TBC1D32: variants seen among roughly 807,000 people sequenced by gnomAD.
The protein encoded by TBC1D32 is protein broad-minded.
In TBC1D32, 151 loss-of-function variants were observed where a neutral mutation model predicts 170.3. The observed-to-expected ratio is 0.89, with a 90% CI of 0.78 to 1.01. The LOEUF is 1.01. Ranked by LOEUF, TBC1D32 falls within the 50% of genes least tolerant of loss-of-function variation. The probability of loss-of-function intolerance (pLI) is 0.00; values close to 1 mark genes in which losing one functional copy is unlikely to be tolerated. For missense variants in TBC1D32, 1,464 were observed against 1,457.1 expected (o/e 1.00, Z -0.08); for synonymous variants, 498 against 488.0 (o/e 1.02, Z -0.27).
intron 11 of TBC1D32, among the ~76,000 whole-genome samples, chr6:121,294,149 AG>A (rs1805269777): frequency 6.6e-6 from 1 of 152,168 alleles, no homozygotes; most frequent in South Asian, 2.1e-4. Flanking sequence ...GAATAAGCAA[AG>A]AAGGATCACG....
intron 26 of TBC1D32, among the ~76,000 whole-genome samples, chr6:121,125,121 T>C (rs1357586532): frequency 6.6e-6 from 1 of 151,396 alleles, no homozygotes; most frequent in Non-Finnish European, 1.5e-5. Flanking sequence ...TGCAGAATTA[T>C]GTATTTATTT....
chr6:121,318,710 A>G (rs1230385361), intron 2 of TBC1D32, among the ~76,000 whole-genome samples: 1 of 151,398 alleles, frequency 6.6e-6, no homozygotes, highest in African/African-American at 2.4e-5. Flanking sequence ...GCAAGAAATA[A>G]ACATATGTTT....
At chr6:121,143,929 A>G (rs1482300462) in intron 24 of TBC1D32, among the ~76,000 whole-genome samples, 1 of 152,102 alleles carries the variant, frequency 6.6e-6, no homozygotes, top group African/African-American at 2.4e-5. Context: ...ATGGTCAGTG[A>G]CACAGATATC....
chr6:121,331,020 G>T (rs930704768), intron 1 of TBC1D32, among the ~76,000 whole-genome samples: 2 of 152,160 alleles, frequency 1.3e-5, no homozygotes, highest in Non-Finnish European at 2.9e-5. Flanking sequence ...TATGTTAGCT[G>T]TCCCATAAAA....
chr6:121,253,601 C>T (rs538930222), intron 17 of TBC1D32, among the ~76,000 whole-genome samples: 65 of 152,170 alleles, frequency 4.3e-4, no homozygotes, highest in African/African-American at 1.5e-3. Flanking sequence ...CGCCTGTAGT[C>T]CCAGCTCCTC....
intron 21 of TBC1D32, among the ~76,000 whole-genome samples, chr6:121,207,899 C>T (rs1441165902): frequency 6.6e-6 from 1 of 152,070 alleles, no homozygotes; most frequent in Non-Finnish European, 1.5e-5. Context: ...AAGAAATAGG[C>T]AAGTGAAGGG....
chr6:121,264,753 G>T (rs1800232232), intron 15 of TBC1D32, among the ~76,000 whole-genome samples: 1 of 152,134 alleles, frequency 6.6e-6, no homozygotes, highest in Admixed American at 6.5e-5. Flanking sequence ...ATGCAAGGCT[G>T]GTTCAACATA....
At chr6:121,283,793 C>G (rs1287076626) in intron 13 of TBC1D32, 25 bp downstream of exon 13, 1 of 1,507,656 alleles carries the variant, frequency 6.6e-7, no homozygotes, top group Non-Finnish European at 9.1e-7. Flanking sequence ...TTATATTTCT[C>G]TATTTAAAAT....
chr6:121,306,379 T>C (rs1323405265), intron 5 of TBC1D32, among the ~76,000 whole-genome samples: 1 of 152,232 alleles, frequency 6.6e-6, no homozygotes, highest in African/African-American at 2.4e-5. Flanking sequence ...ATTTATCGTC[T>C]GTGTTATCTA....
At chr6:121,224,498 A>G (rs1794852776) in intron 20 of TBC1D32, 1 of 152,178 alleles carries the variant, frequency 6.6e-6, no homozygotes. Context: ...AGAACATTTC[A>G]TTCAATCTCA....
chr6:121,269,244 T>C (rs1394219081), intron 15 of TBC1D32, among the ~76,000 whole-genome samples: 1 of 151,968 alleles, frequency 6.6e-6, no homozygotes, highest in Admixed American at 6.6e-5. Context: ...AATGACAGGA[T>C]CAAATTCACA....
upstream of TBC1D32, chr6:121,334,553 C>T: frequency 1.7e-6 from 2 of 1,208,008 alleles, no homozygotes; most frequent in East Asian, 2.6e-5. Context: ...AGGGATACCG[C>T]GGCGAGCGCC....
At chr6:121,160,839 C>T (rs1281227302) in intron 23 of TBC1D32, 109 bp downstream of exon 23, 5 of 784,576 alleles carry the variant, frequency 6.4e-6, no homozygotes, top group African/African-American at 1.7e-5. Context: ...AAGTTCAACT[C>T]TGTGATGTAG....
Position 121,204,575 on chromosome 6 carries a change from C to T in TBC1D32, c.2570+500G>A, listed in dbSNP as rs745805235. On this transcript the variant is annotated intron_variant, in intron 22 of 31. Coordinates refer to ENST00000398212, the MANE Select transcript of TBC1D32 (RefSeq NM_152730.6). ...TGAGTCCCTGTAGCCCTACCAACTA[C>T]GCCTTATTTCCCATTTGAACATGGA... 2.0e-4 allele frequency among the ~76,000 whole-genome samples: 31 copies of T among 151,232 alleles called. 1 individual carries two copies. The highest frequency in any genetic ancestry group is 4.1e-4 in the Non-Finnish European group (28 of 67,972).
At chr6:121,145,554 A>C (rs979815040) in intron 24 of TBC1D32, among the ~76,000 whole-genome samples, 1 of 152,192 alleles carries the variant, frequency 6.6e-6, no homozygotes, top group African/African-American at 2.4e-5. Flanking sequence ...CATGGTGACT[A>C]TGTTATTAAC....
rs774738136 is a variant in TBC1D32 at position 121,303,611 on chromosome 6, C to T, written c.1080+6G>A. The T allele has an allele frequency of 3.3e-6, 5 of 1,528,934 alleles. No individual in the cohort carries two copies. In the African/African-American group the frequency reaches 5.5e-5, roughly 17 times the overall value. The allele number at this position is 1,528,934 out of a possible 1,614,324, so 94.7% of individuals were successfully genotyped here. The stretch of plus-strand genomic sequence containing the variant: ...AAAGGTATAAAAATATTCTATTTTT[C>T]CTTACCATCCACTTTTTGAACCACA... On this transcript the variant is annotated splice_donor_region_variant and intron_variant, in intron 9 of 31. Transcript: ENST00000398212.
chr6:121,182,400 G>T (rs555478433), intron 22 of TBC1D32, among the ~76,000 whole-genome samples: 43 of 152,050 alleles, frequency 2.8e-4, no homozygotes, highest in African/African-American at 1.0e-3. Context: ...TGCAACAAAT[G>T]AACAAACTCA....
chr6:121,304,855 T>C lies in TBC1D32; in HGVS notation c.691-22A>G, dbSNP rs769779892. ...GGTCCTACGGAAATGAGACAGAAAA[T>C]TTGCATCTAAGATCTCACAAGAATA... On this transcript the variant is annotated intron_variant, in intron 5 of 31. Transcript: ENST00000398212. 6 of 1,539,510 alleles carry C rather than the reference T, an allele frequency of 3.9e-6. No homozygotes were observed. In the South Asian group the frequency reaches 5.8e-5, roughly 15 times the overall value.
chr6:121,247,880 A>G (rs1361958160), intron 17 of TBC1D32, among the ~76,000 whole-genome samples: 3 of 152,160 alleles, frequency 2.0e-5, no homozygotes, highest in African/African-American at 2.4e-5. Context: ...GGGAGACTTT[A>G]ATACTCCACT....
Sources: allele counts gnomAD v4.1 joint callset (sites outside exome capture counted in the v4.1 genomes callset), GRCh38; gene constraint gnomAD v4.1.1; transcripts MANE v1.5; gene names NCBI Gene and HGNC (gene_info 2026-07-23, HGNC 2026-07-21).